Variants in PIK3CA observed in about 807,000 individuals in gnomAD.
The protein encoded by PIK3CA is phosphatidylinositol 4,5-bisphosphate 3-kinase catalytic subunit alpha isoform.
PIK3CA carries 27 observed loss-of-function variants against 138.2 expected under a neutral mutation model. That is an observed-to-expected ratio of 0.20 (90% CI 0.14 to 0.27). The LOEUF (loss-of-function observed/expected upper bound fraction) is 0.27, where lower values mean the gene tolerates loss of function less well. Ranked by LOEUF, PIK3CA falls within the 10% of genes least tolerant of loss-of-function variation. PIK3CA has a pLI of 1.00. For synonymous variants in PIK3CA, 358 were observed against 413.2 expected, an observed-to-expected ratio of 0.87 and a Z score of 1.62; for missense variants, 544 against 1,277.4, an observed-to-expected ratio of 0.43 and a Z score of 8.75.
At chr3:179,173,980 G>A (rs1054234729) in intron 1 of PIK3CA, among the ~76,000 whole-genome samples, 12 of 151,670 alleles carry the variant, frequency 7.9e-5, no homozygotes, top group African/African-American at 2.7e-4. Flanking sequence ...CACCCGCCTC[G>A]GCCTCCCGAA....
intron 4 of PIK3CA, 67 bp downstream of exon 4, chr3:179,201,607 GTA>G: frequency 1.3e-6 from 1 of 793,692 alleles, no homozygotes; most frequent in Non-Finnish European, 1.8e-6. Flanking sequence ...ATGAGTATCT[GTA>G]TTTTTTTTTT....
intron 16 of PIK3CA, among the ~76,000 whole-genome samples, chr3:179,225,387 A>G (rs1188580280): frequency 2.0e-5 from 3 of 152,180 alleles, no homozygotes; most frequent in Admixed American, 6.6e-5. Flanking sequence ...ATGGAGGAAA[A>G]GGCTATGGGG....
rs1725275243 is a variant in PIK3CA at position 179,234,012 on chromosome 3, A to G, written c.2937-82A>G. 2.1e-6 allele frequency: 2 copies of G among 955,186 alleles called. No individual in the cohort carries two copies. Among genetic ancestry groups the G allele is most frequent in the South Asian group, 1.9e-5 (1 of 53,594 alleles). 59.2% of individuals were successfully genotyped at this position (955,186 alleles called of 1,614,324 possible). On this transcript the variant is annotated intron_variant, in intron 20 of 20. Coordinates refer to ENST00000263967, the MANE Select transcript of PIK3CA (RefSeq NM_006218.4). This position sits in a 1 kb window ranked among gnomAD's most constrained non-coding sequence, Gnocchi z 5.1. ...TAGCTTTGTCTACGAAAGCCTCTCT[A>G]ATTTTGTGACATTTGAGCAAAGACC... is the stretch of plus-strand genomic sequence containing the variant.
intron 1 of PIK3CA, among the ~76,000 whole-genome samples, chr3:179,184,492 C>G (rs899289815): frequency 4.6e-5 from 7 of 152,214 alleles, no homozygotes; most frequent in African/African-American, 1.7e-4. Context: ...CTCTCCCCTC[C>G]AGATCACTTT....
At position 179,185,422 on chromosome 3, in the gene PIK3CA, G is replaced by A. The variant is rs139514283; in HGVS notation, c.-76-13328G>A. Among the ~76,000 whole-genome samples, 488 of 152,240 alleles carry A rather than the reference G, an allele frequency of 3.2e-3. 6 individuals carry two copies. The highest frequency in any genetic ancestry group is 0.019 in the South Asian group (94 of 4,822). On this transcript the variant is annotated intron_variant, in intron 1 of 20. Transcript: ENST00000263967. ...CAGAAGACTTCTGTAACTGCTGGTC[G>A]CCAAGAAGTATATGGGGATTTCTCC...
chr3:179,158,192 C>G (rs1723186014), intron 1 of PIK3CA, among the ~76,000 whole-genome samples: 1 of 152,088 alleles, frequency 6.6e-6, no homozygotes, highest in Admixed American at 6.6e-5. Context: ...TACAATACTG[C>G]TTGCTTTTTA....
chr3:179,181,106 G>C (rs149621306), intron 1 of PIK3CA, among the ~76,000 whole-genome samples: 13 of 152,180 alleles, frequency 8.5e-5, no homozygotes, highest in African/African-American at 3.1e-4. Flanking sequence ...AAAATAGCTA[G>C]ATTAAAGGTT....
intron 1 of PIK3CA, among the ~76,000 whole-genome samples, chr3:179,170,939 C>T (rs944793210): frequency 6.6e-6 from 1 of 151,976 alleles, no homozygotes; most frequent in Admixed American, 6.6e-5. Flanking sequence ...AGCAATCAGC[C>T]AACTCAATCT....
intron 1 of PIK3CA, among the ~76,000 whole-genome samples, chr3:179,171,625 A>G (rs1440423091): frequency 6.6e-6 from 1 of 152,150 alleles, no homozygotes; most frequent in African/African-American, 2.4e-5. Flanking sequence ...ACAACAACCA[A>G]TTTGGCAACT....
chr3:179,200,401 C>G (rs1724380757), intron 3 of PIK3CA, among the ~76,000 whole-genome samples: 1 of 151,892 alleles, frequency 6.6e-6, no homozygotes, highest in Admixed American at 6.6e-5. Context: ...ATTAAGGGAA[C>G]AAGAAACTAA....
chr3:179,231,341 T>C (rs1468763511), intron 20 of PIK3CA, among the ~76,000 whole-genome samples: 1 of 152,166 alleles, frequency 6.6e-6, no homozygotes, highest in Non-Finnish European at 1.5e-5. Context: ...GACCAAATGG[T>C]AGATCTACTT....
At chr3:179,209,517 G>T in intron 6 of PIK3CA, 78 bp from the exon 7 acceptor site, 2 of 754,770 alleles carry the variant, frequency 2.6e-6, no homozygotes, top group South Asian at 2.6e-5. Context: ...CTTTGTCTTC[G>T]TGATTTGTAG....
chr3:179,217,894 G>A (rs1228732586), intron 9 of PIK3CA, among the ~76,000 whole-genome samples: 1 of 152,034 alleles, frequency 6.6e-6, no homozygotes, highest in Admixed American at 6.6e-5. Flanking sequence ...AGGAGGAAAA[G>A]TAAATTGTTC....
intron 1 of PIK3CA, among the ~76,000 whole-genome samples, chr3:179,156,607 G>A (rs1405440224): frequency 6.6e-6 from 1 of 152,122 alleles, no homozygotes; most frequent in Non-Finnish European, 1.5e-5. Context: ...AGAAATCATT[G>A]TATTTGATCA....
At chr3:179,163,772 T>G (rs920875013) in intron 1 of PIK3CA, among the ~76,000 whole-genome samples, 2 of 152,162 alleles carry the variant, frequency 1.3e-5, no homozygotes, top group African/African-American at 2.4e-5. Flanking sequence ...AAGTGAAATT[T>G]TAATATGTAG....
chr3:179,157,022 T>G (rs1723154751), intron 1 of PIK3CA, among the ~76,000 whole-genome samples: 1 of 152,136 alleles, frequency 6.6e-6, no homozygotes, highest in South Asian at 2.1e-4. Context: ...GAGTATATCA[T>G]CAAATTCAAA....
intron 6 of PIK3CA, among the ~76,000 whole-genome samples, chr3:179,205,208 A>T (rs1040065791): frequency 2.6e-5 from 4 of 151,498 alleles, no homozygotes; most frequent in African/African-American, 9.7e-5. Flanking sequence ...CTGATCTCAA[A>T]ATATATATAT....
At chr3:179,181,300 A>T (rs1403166577) in intron 1 of PIK3CA, among the ~76,000 whole-genome samples, 1 of 149,572 alleles carries the variant, frequency 6.7e-6, no homozygotes, top group African/African-American at 2.5e-5. Context: ...AAGAAACATT[A>T]TTTTTTTTTT....
Position 179,235,325 on chromosome 3 carries a change from A to G in PIK3CA, c.*961A>G, listed in dbSNP as rs1308287275. On this transcript the variant is annotated 3_prime_UTR_variant, in exon 21 of 21. Transcript: ENST00000263967. The stretch of plus-strand genomic sequence containing the variant: ...ATTAAAGGCTATTTATATTATAGAA[A>G]CTATCATTAATATATATTCTTTATT... 1.7e-5 allele frequency: 3 copies of G among 178,320 alleles called. No individual in the cohort carries two copies. The highest frequency in any genetic ancestry group is 7.1e-5 in the African/African-American group (3 of 42,264). The allele number at this position is 178,320 out of a possible 1,614,324, so 11.0% of individuals were successfully genotyped here. A position where few individuals can be genotyped will look rare whatever the true frequency, so the allele number is the denominator to read the frequency against.
Sources: gnomAD v4.1 joint callset for allele counts (sites outside exome capture counted in the v4.1 genomes callset) on GRCh38, gnomAD v4.1.1 for gene constraint, Gnocchi (gnomAD v3.1) non-coding constraint, MANE v1.5 for transcripts, NCBI Gene and HGNC (gene_info 2026-07-23, HGNC 2026-07-21) for gene names.